The following ASIC2 variants were observed in gnomAD, a reference collection of about 807,000 sequenced individuals.
ASIC2 encodes the protein acid sensing ion channel subunit 2.
Under a neutral mutation model 57.3 loss-of-function variants are expected in ASIC2, and 25 were observed. The ratio of observed to expected loss-of-function variants is 0.44; its 90% CI spans 0.32 to 0.61. The LOEUF is 0.61. ASIC2 is among the 20% of genes least tolerant of loss of function. The pLI, the probability that ASIC2 is intolerant of heterozygous loss-of-function variation, is 0.06. For missense variants in ASIC2, 641 were observed against 738.1 expected, an observed-to-expected ratio of 0.87 and a Z score of 1.52; for synonymous variants, 319 against 307.5, an observed-to-expected ratio of 1.04 and a Z score of -0.39.
rs1300794497 is a variant in ASIC2 at position 33,914,434 on chromosome 17, C to T, written c.555+241544G>A. On this transcript the variant is annotated intron_variant, in intron 1 of 9. Coordinates refer to the ASIC2 transcript ENST00000359872. Reference sequence around the variant, plus strand: ...CCTTCAATTCGTGTGCAATAGAGGCCCTGACAAAACCCAGTTCAGTCTCAG... The same window carrying T: ...CCTTCAATTCGTGTGCAATAGAGGCTCTGACAAAACCCAGTTCAGTCTCAG... Among the ~76,000 whole-genome samples the T allele has an allele frequency of 2.6e-5, 4 of 152,114 alleles. 1 individual carries two copies. Among genetic ancestry groups the T allele is most frequent in the Admixed American group, 2.0e-4 (3 of 15,268 alleles).
At chr17:33,925,883 G>A (rs1915811725) in intron 1 of ASIC2, among the ~76,000 whole-genome samples, 1 of 152,228 alleles carries the variant, frequency 6.6e-6, no homozygotes, top group Non-Finnish European at 1.5e-5. Context: ...TCTTTGGCCA[G>A]TGGAAGATCT....
At chr17:33,575,328 A>G (rs1288233006) in intron 1 of ASIC2, among the ~76,000 whole-genome samples, 1 of 152,246 alleles carries the variant, frequency 6.6e-6, no homozygotes, top group East Asian at 1.9e-4. Flanking sequence ...CACAAGTTCC[A>G]TAGATGCCAT....
chr17:33,112,132 T>C (rs2092260943), intron 1 of ASIC2, 65 bp from the exon 2 acceptor site: 2 of 1,501,948 alleles, frequency 1.3e-6, no homozygotes, highest in Non-Finnish European at 1.8e-6. Context: ...GTCCAGAGAT[T>C]GGCGAGACCC....
At chr17:33,908,374 T>C (rs1431598411) in intron 1 of ASIC2, among the ~76,000 whole-genome samples, 2 of 152,222 alleles carry the variant, frequency 1.3e-5, no homozygotes, top group East Asian at 1.9e-4. Flanking sequence ...TATTGGACTA[T>C]CTATTTTCTG....
intron 1 of ASIC2, among the ~76,000 whole-genome samples, chr17:33,889,946 C>T (rs1301151854): frequency 1.3e-5 from 2 of 152,162 alleles, no homozygotes; most frequent in Non-Finnish European, 2.9e-5. Flanking sequence ...CCAAGATAAG[C>T]ATGTCCTCCT....
At chr17:33,471,598 G>T (rs191842326) in intron 1 of ASIC2, among the ~76,000 whole-genome samples, 2 of 152,108 alleles carry the variant, frequency 1.3e-5, no homozygotes, top group African/African-American at 4.8e-5. Flanking sequence ...CAGTGCAGAG[G>T]GGGGAGTAAT....
chr17:33,039,826 C>T (rs891150827), intron 3 of ASIC2, among the ~76,000 whole-genome samples: 1 of 152,150 alleles, frequency 6.6e-6, no homozygotes, highest in Admixed American at 6.5e-5. Flanking sequence ...CCTGCTCCCT[C>T]CCCATCTTTT....
At position 33,277,262 on chromosome 17, in the gene ASIC2, A is replaced by G. The variant is rs142313126; in HGVS notation, c.708+14146T>C. Among the ~76,000 whole-genome samples, 325 of 152,238 alleles carry G rather than the reference A, an allele frequency of 2.1e-3. 1 individual carries two copies. The highest frequency in any genetic ancestry group is 7.3e-3 in the African/African-American group (304 of 41,536). On this transcript the variant is annotated intron_variant, in intron 1 of 9. Transcript: ENST00000225823. ...AGACTTCCCCTGGGAGGTGACACTG[A>G]CTTTGAGACTTGGAGAAGGACACAT...
At chr17:33,633,194 A>C (rs1263753543) in intron 1 of ASIC2, among the ~76,000 whole-genome samples, 1 of 152,222 alleles carries the variant, frequency 6.6e-6, no homozygotes, top group African/African-American at 2.4e-5. Context: ...GAGTGCATCA[A>C]CCCAATGCCC....
intron 1 of ASIC2, among the ~76,000 whole-genome samples, chr17:34,126,329 C>T (rs1911779752): frequency 6.6e-6 from 1 of 152,198 alleles, no homozygotes; most frequent in Non-Finnish European, 1.5e-5. Flanking sequence ...CTGCCTCATA[C>T]TCAAAACCAA....
intron 1 of ASIC2, among the ~76,000 whole-genome samples, chr17:33,863,911 T>G (rs201326083): frequency 2.7e-5 from 3 of 110,954 alleles, no homozygotes; most frequent in South Asian, 2.9e-4. Flanking sequence ...TTTTTTTTTT[T>G]TTTGTTTTTG....
intron 1 of ASIC2, among the ~76,000 whole-genome samples, chr17:33,353,471 C>G (rs1024676504): frequency 7.2e-5 from 11 of 152,114 alleles, no homozygotes; most frequent in Admixed American, 3.3e-4. Context: ...GTAGCTGAAA[C>G]TACAGGTATA....
chr17:33,388,490 C>A (rs1276211300), intron 1 of ASIC2, among the ~76,000 whole-genome samples: 1 of 152,216 alleles, frequency 6.6e-6, no homozygotes, highest in Admixed American at 6.5e-5. Context: ...GAAGTTCCAG[C>A]CATCCCAGAG....
chr17:33,802,986 T>G (rs1912173343), intron 1 of ASIC2, among the ~76,000 whole-genome samples: 1 of 152,208 alleles, frequency 6.6e-6, no homozygotes, highest in Admixed American at 6.5e-5. Context: ...TAAGAGATCT[T>G]GAGTGTAAGC....
At chr17:33,721,895 AAGTG>A in intron 1 of ASIC2, among the ~76,000 whole-genome samples, 1 of 152,242 alleles carries the variant, frequency 6.6e-6, no homozygotes, top group South Asian at 2.1e-4. Flanking sequence ...GGCTGGGTCA[AAGTG>A]AGTGACAAGG....
chr17:33,101,985 C>A (rs1035468215), intron 2 of ASIC2, among the ~76,000 whole-genome samples: 1 of 152,074 alleles, frequency 6.6e-6, no homozygotes, highest in Non-Finnish European at 1.5e-5. Flanking sequence ...GCCAGACAGA[C>A]CCACAAGGGC....
intron 1 of ASIC2, among the ~76,000 whole-genome samples, chr17:34,054,684 C>G (rs1022442246): frequency 6.6e-6 from 1 of 152,168 alleles, no homozygotes; most frequent in Non-Finnish European, 1.5e-5. Context: ...TACTGCTGAC[C>G]ATGGTGCTAG....
chr17:33,376,052 A>G (rs1289889494), intron 1 of ASIC2, among the ~76,000 whole-genome samples: 1 of 152,204 alleles, frequency 6.6e-6, no homozygotes, highest in Non-Finnish European at 1.5e-5. Context: ...GACTAAATAT[A>G]TAAACTAGGG....
At chr17:33,300,753 G>C (rs1905924153) in intron 1 of ASIC2, among the ~76,000 whole-genome samples, 1 of 152,186 alleles carries the variant, frequency 6.6e-6, no homozygotes, top group African/African-American at 2.4e-5. Context: ...AGAAGTTTCT[G>C]TAACTAACAT....
Sources: allele counts gnomAD v4.1 joint callset (sites outside exome capture counted in the v4.1 genomes callset), GRCh38; gene constraint gnomAD v4.1.1; transcripts MANE v1.5; gene names NCBI Gene and HGNC (gene_info 2026-07-23, HGNC 2026-07-21).